The following ARPIN variants were observed in gnomAD, a reference collection of about 807,000 sequenced individuals.
ARPIN encodes UPF0552 protein C15orf38.
ARPIN carries 23 observed loss-of-function variants against 25.9 expected under a neutral mutation model. The ratio of observed to expected loss-of-function variants is 0.89; its 90% CI spans 0.64 to 1.26. The LOEUF (loss-of-function observed/expected upper bound fraction) is 1.26, where lower values mean the gene tolerates loss of function less well. Ranked by LOEUF, ARPIN falls within the 50% of genes most tolerant of loss-of-function variation. The pLI is 0.00. For missense variants in ARPIN, 333 were observed against 312.2 expected (o/e 1.07, Z -0.50); for synonymous variants, 126 against 131.4 (o/e 0.96, Z 0.28).
Position 89,895,157 on chromosome 15 carries a change from G to A in ARPIN, c.*6638C>T, listed in dbSNP as rs1896909992. On this transcript the variant is annotated 3_prime_UTR_variant, in exon 6 of 6. Coordinates refer to ENST00000357484, the MANE Select transcript of ARPIN (RefSeq NM_182616.4). ...GCAGTGTTATTACAGGGGAAAATGG[G>A]AAGAAAATTATTACAAAAATGAGAA... 1 of 152,074 alleles carries A rather than the reference G, an allele frequency of 6.6e-6. No individual in the cohort carries two copies. 9.4% of individuals were successfully genotyped at this position (152,074 alleles called of 1,614,324 possible). A position where few individuals can be genotyped will look rare whatever the true frequency, so the allele number is the denominator to read the frequency against.
In ARPIN at chr15:89,903,234, C is replaced by A. The variant is rs1280142951; in HGVS notation, c.654G>T (p.Gly218=). The A allele has an allele frequency of 1.2e-6, 2 of 1,614,188 alleles. No individual in the cohort carries two copies. Among genetic ancestry groups the A allele is most frequent in the Non-Finnish European group, 1.7e-6 (2 of 1,180,038 alleles). ...AAAEIREQGD[G]AEDEEWDD is the part of the protein sequence containing the mutation. ...TACCTACCCACTCCTCGTCCTCTGCCCCATCCCCCTGCTCTCGGATCTCCG... is the reference window on the plus strand; with the variant it reads ...TACCTACCCACTCCTCGTCCTCTGCACCATCCCCCTGCTCTCGGATCTCCG... Residue 218 remains glycine (G), a synonymous_variant, in exon 5 of 6, where the codon GGG becomes GGT. Coordinates refer to ENST00000357484, the MANE Select transcript of ARPIN (RefSeq NM_182616.4).
Position 89,910,753 on chromosome 15 carries a change from A to G in ARPIN, c.159T>C (p.His53=), listed in dbSNP as rs202124308. 11 of 1,614,148 alleles carry G rather than the reference A, an allele frequency of 6.8e-6. No homozygotes were observed. The Admixed American group carries it at 1.3e-4, about 20-fold the overall frequency. Reference sequence around the variant, plus strand: ...GAGGAAGCATCCTCACCTTCCTGCCATGAGTGTCCAAGATGCTGTGCCGAG... The same window carrying G: ...GAGGAAGCATCCTCACCTTCCTGCCGTGAGTGTCCAAGATGCTGTGCCGAG... ...DVSRHSILDT[H]GRKERYYVLY... The change falls in exon 2 of 6, where the codon CAT becomes CAC. Residue 53 remains histidine (H), a synonymous_variant. Transcript: ENST00000357484.
rs554422099 is a variant in ARPIN, at chr15:89,901,779, G to C, written c.*16C>G. 56 of 1,613,750 alleles carry C rather than the reference G, an allele frequency of 3.5e-5. No homozygotes were observed. The highest frequency in any genetic ancestry group is 4.5e-5 in the East Asian group (2 of 44,892). ...GCTACAGAAGGTGCTGGTGCCCCCA[G>C]AGGCAGCCACGTCCCTCAGTCATCC... On this transcript the variant is annotated 3_prime_UTR_variant, in exon 6 of 6. Coordinates refer to ENST00000357484, the MANE Select transcript of ARPIN (RefSeq NM_182616.4).
chr15:89,905,640 G>T (rs750424589), intron 3 of ARPIN, among the ~76,000 whole-genome samples: 7 of 152,082 alleles, frequency 4.6e-5, no homozygotes, highest in African/African-American at 1.7e-4. Context: ...CCCACTGCTA[G>T]CTCCTCACGC....
intron 4 of ARPIN, 69 bp from the exon 5 acceptor site, chr15:89,903,448 T>G: frequency 6.3e-7 from 1 of 1,598,300 alleles, no homozygotes; most frequent in Non-Finnish European, 8.5e-7. Flanking sequence ...CTGGGCCCAT[T>G]ATGGTGGGGT....
rs969513334 is a variant in ARPIN at position 89,896,922 on chromosome 15, G to A, written c.*4873C>T. On this transcript the variant is annotated 3_prime_UTR_variant, in exon 6 of 6. Transcript: ENST00000357484. ...AATGGTTCTCCCCTACATTGCTGGT[G>A]AAATTATGGTTTAGAACAACCCTTT... 2.6e-5 allele frequency: 4 copies of A among 152,174 alleles called. No individual in the cohort carries two copies. Among genetic ancestry groups the A allele is most frequent in the Admixed American group, 2.6e-4 (4 of 15,284 alleles). 9.4% of individuals were successfully genotyped at this position (152,174 alleles called of 1,614,324 possible).
intron 5 of ARPIN, 53 bp downstream of exon 5, chr15:89,903,163 T>C: frequency 6.2e-7 from 1 of 1,614,142 alleles, no homozygotes; most frequent in Non-Finnish European, 8.5e-7. Context: ...CCTCAACCAG[T>C]ATGTACCATG....
intron 3 of ARPIN, among the ~76,000 whole-genome samples, chr15:89,907,415 A>C (rs1342837438): frequency 1.3e-5 from 2 of 152,178 alleles, no homozygotes; most frequent in Non-Finnish European, 2.9e-5. Context: ...AAACTTAATC[A>C]CCAATGTGAT....
chr15:89,901,513 C>A lies in ARPIN; in HGVS notation c.*282G>T. 1 of 475,744 alleles carries A rather than the reference C, an allele frequency of 2.1e-6. No homozygotes were observed. Among genetic ancestry groups the A allele is most frequent in the Non-Finnish European group, 3.8e-6 (1 of 265,186 alleles). The allele number at this position is 475,744 out of a possible 1,614,324, so 29.5% of individuals were successfully genotyped here. Reference sequence around the variant, plus strand: ...GGGCAACATAGTGAGACCTCCATCTCTAATTTTTTTTTAAAGGGTCATCAT... The same window carrying A: ...GGGCAACATAGTGAGACCTCCATCTATAATTTTTTTTTAAAGGGTCATCAT... On this transcript the variant is annotated 3_prime_UTR_variant, in exon 6 of 6. Coordinates refer to ENST00000357484, the MANE Select transcript of ARPIN (RefSeq NM_182616.4).
chr15:89,902,924 G>A, intron 5 of ARPIN: 1 of 1,340,138 alleles, frequency 7.5e-7, no homozygotes, highest in Non-Finnish European at 9.6e-7. Context: ...GAAATGTTTT[G>A]AGACTTAATG....
In ARPIN at chr15:89,901,602, C is replaced by T. The variant is rs1257519994; in HGVS notation, c.*193G>A. On this transcript the variant is annotated 3_prime_UTR_variant, in exon 6 of 6. Transcript: ENST00000357484. ...GCCCTCCCTGAGCCACAGCATGAGG[C>T]CCCACCACCAACACAGTGGTCATGG... 3 of 636,832 alleles carry T rather than the reference C, an allele frequency of 4.7e-6. No homozygotes were observed. Among genetic ancestry groups the T allele is most frequent in the Non-Finnish European group, 5.5e-6 (2 of 364,196 alleles). The allele number at this position is 636,832 out of a possible 1,614,324, so 39.4% of individuals were successfully genotyped here.
Position 89,912,952 on chromosome 15 carries a change from T to G in ARPIN, c.-117A>C. The G allele has an allele frequency of 7.7e-7, 1 of 1,298,996 alleles. No individual in the cohort carries two copies. The highest frequency in any genetic ancestry group is 1.0e-6 in the Non-Finnish European group (1 of 998,464). 80.5% of individuals were successfully genotyped at this position (1,298,996 alleles called of 1,614,324 possible). A position where few individuals can be genotyped will look rare whatever the true frequency, so the allele number is the denominator to read the frequency against. ...GATTCCCAGCCGGCGGATCCGGGAA[T>G]GGCGCGGCCCGGCCCTCAGGCGTTC... On this transcript the variant is annotated 5_prime_UTR_variant, in exon 1 of 6. Transcript: ENST00000357484.
At chr15:89,910,570 C>T (rs1456617190) in intron 2 of ARPIN, among the ~76,000 whole-genome samples, 174 bp downstream of exon 2, 1 of 152,226 alleles carries the variant, frequency 6.6e-6, no homozygotes, top group East Asian at 1.9e-4. Flanking sequence ...AACTATTCTT[C>T]CAGCTGGTGG....
At chr15:89,905,211 G>T (rs996037400) in intron 3 of ARPIN, among the ~76,000 whole-genome samples, 13 of 151,740 alleles carry the variant, frequency 8.6e-5, no homozygotes, top group African/African-American at 3.1e-4. Context: ...TGTTAGAAAC[G>T]GGGTTTCACC....
rs1198466256 is a variant in ARPIN at position 89,912,830 on chromosome 15, G to A, written c.6C>T (p.Ser2=). Residue 2 remains serine, a synonymous_variant, in exon 1 of 6, where the codon AGC becomes AGT. Coordinates refer to ENST00000357484, the MANE Select transcript of ARPIN (RefSeq NM_182616.4). M[S]RIYHDGALRN... ...GGAGCGCGCCGTCGTGGTAGATGCG[G>A]CTCATTCTCCCGACCGCCCGGGCAC... is the stretch of plus-strand genomic sequence containing the variant. The A allele has an allele frequency of 1.4e-5, 21 of 1,522,018 alleles. No homozygotes were observed. Among genetic ancestry groups the A allele is most frequent in the Non-Finnish European group, 1.8e-5 (21 of 1,138,590 alleles). The allele number at this position is 1,522,018 out of a possible 1,614,324, so 94.3% of individuals were successfully genotyped here.
chr15:89,905,350 T>C (rs1163263284), intron 3 of ARPIN, among the ~76,000 whole-genome samples: 2 of 152,038 alleles, frequency 1.3e-5, no homozygotes, highest in Admixed American at 6.5e-5. Context: ...ACACAAAACA[T>C]CTCCTCTTTC....
At position 89,898,074 on chromosome 15, in the gene ARPIN, T is replaced by G. The variant is rs541557338; in HGVS notation, c.*3721A>C. ...GTTGCAGTGAGCCGAGATTGAGCCA[T>G]TGCACTCCAGCCTGGGCAACAAGAG... On this transcript the variant is annotated 3_prime_UTR_variant, in exon 6 of 6. Transcript: ENST00000357484. The G allele has an allele frequency of 6.6e-6, 1 of 150,768 alleles. No homozygotes were observed. The allele number at this position is 150,768 out of a possible 1,614,324, so 9.3% of individuals were successfully genotyped here. A position where few individuals can be genotyped will look rare whatever the true frequency, so the allele number is the denominator to read the frequency against.
At position 89,899,274 on chromosome 15, in the gene ARPIN, G is replaced by A. The variant is rs994434775; in HGVS notation, c.*2521C>T. 11 of 152,014 alleles carry A rather than the reference G, an allele frequency of 7.2e-5. No individual in the cohort carries two copies. The highest frequency in any genetic ancestry group is 2.7e-4 in the African/African-American group (11 of 41,316). 9.4% of individuals were successfully genotyped at this position (152,014 alleles called of 1,614,324 possible). A position where few individuals can be genotyped will look rare whatever the true frequency, so the allele number is the denominator to read the frequency against. On this transcript the variant is annotated 3_prime_UTR_variant, in exon 6 of 6. Coordinates refer to ENST00000357484, the MANE Select transcript of ARPIN (RefSeq NM_182616.4). Reference sequence around the variant, plus strand: ...AATTTTTGTATTTTTTGGTAGAGACGGGGTTTCACTGTGTTGATCAGGCTG... The same window carrying A: ...AATTTTTGTATTTTTTGGTAGAGACAGGGTTTCACTGTGTTGATCAGGCTG...
Position 89,912,948 on chromosome 15 carries a change from G to T in ARPIN, c.-113C>A. On this transcript the variant is annotated 5_prime_UTR_variant, in exon 1 of 6. Transcript: ENST00000357484. ...CCGCGATTCCCAGCCGGCGGATCCGGGAATGGCGCGGCCCGGCCCTCAGGC... is the reference window on the plus strand; with the variant it reads ...CCGCGATTCCCAGCCGGCGGATCCGTGAATGGCGCGGCCCGGCCCTCAGGC... 1 of 1,305,134 alleles carries T rather than the reference G, an allele frequency of 7.7e-7. No individual in the cohort carries two copies. The highest frequency in any genetic ancestry group is 1.0e-6 in the Non-Finnish European group (1 of 1,003,160). The allele number at this position is 1,305,134 out of a possible 1,614,324, so 80.8% of individuals were successfully genotyped here. A position where few individuals can be genotyped will look rare whatever the true frequency, so the allele number is the denominator to read the frequency against.
Sources: allele counts gnomAD v4.1 joint callset (sites outside exome capture counted in the v4.1 genomes callset), GRCh38; gene constraint gnomAD v4.1.1; transcripts MANE v1.5; gene names NCBI Gene and HGNC (gene_info 2026-07-23, HGNC 2026-07-21).